U2AF1L4: variants seen among roughly 807,000 people sequenced by gnomAD.
The protein encoded by U2AF1L4 is splicing factor U2AF 26 kDa subunit.
In U2AF1L4, 21 loss-of-function variants were observed where a neutral mutation model predicts 21.7. The observed-to-expected ratio is 0.97, with a 90% CI of 0.69 to 1.39. U2AF1L4 has a LOEUF of 1.39. Ranked by LOEUF, U2AF1L4 falls within the 40% of genes most tolerant of loss-of-function variation. U2AF1L4 has a pLI of 0.00. For synonymous variants in U2AF1L4, 92 were observed against 89.7 expected (o/e 1.03, Z -0.15); for missense variants, 259 against 245.7 (o/e 1.05, Z -0.36).
chr19:35,742,479 C>T (rs569148059), downstream of U2AF1L4: 119 of 1,558,976 alleles, frequency 7.6e-5, 1 homozygote, highest in South Asian at 1.2e-3. Context: ...TTCCCCTTTT[C>T]GTCACATGTG....
chr19:35,743,988 C>T, intron 4 of U2AF1L4, 24 bp downstream of exon 4: 5 of 1,611,052 alleles, frequency 3.1e-6, no homozygotes, highest in Non-Finnish European at 4.2e-6. Flanking sequence ...TCCAAGTGCC[C>T]ATCCCACCCT....
chr19:35,744,247 C>A, intron 3 of U2AF1L4, 76 bp downstream of exon 3: 1 of 1,606,740 alleles, frequency 6.2e-7, no homozygotes. Context: ...GAAATTCAAG[C>A]TGAGAGCCTA....
At chr19:35,743,686 C>CA (rs36076889) in intron 5 of U2AF1L4, 123 bp downstream of exon 5, 54,926 of 479,452 alleles carry the variant, frequency 0.11, 831 homozygotes, top group Admixed American at 0.14. Context: ...GGCTCCATCT[C>CA]AAAAAAAAAA....
In U2AF1L4 at chr19:35,744,359, G is replaced by C. The variant is rs139575676; in HGVS notation, c.195C>G (p.Asn65Lys). The change falls in exon 3 of 6, where the codon AAC becomes AAG. Residue 65 changes from asparagine (N) to lysine (K), a missense_variant. Physicochemically the swap from Asn to Lys is moderately conservative, Grantham distance 94 (BLOSUM62 0). Coordinates refer to ENST00000378975, the MANE Select transcript of U2AF1L4 (RefSeq NM_001040425.3). ...CGTTGCCCACGAGGTGGTCCCCAAG[G>C]TTGTCGCACACATTCATCTCTTCAA... Reference protein sequence around the residue: ...GEIEEMNVCDNLGDHLVGNVY... With the variant: ...GEIEEMNVCDKLGDHLVGNVY... 658 of 1,614,146 alleles carry C rather than the reference G, an allele frequency of 4.1e-4. 7 individuals carry two copies. The African/African-American group carries it at 8.0e-3, about 20-fold the overall frequency.
chr19:35,744,540 C>G, intron 2 of U2AF1L4, 119 bp from the exon 3 acceptor site: 1 of 1,591,648 alleles, frequency 6.3e-7, no homozygotes, highest in Non-Finnish European at 8.5e-7. Flanking sequence ...ACTCACATGA[C>G]CTGGGGTGGG....
chr19:35,742,986 G>A (rs1168868321), intron 5 of U2AF1L4, 183 bp from the exon 6 acceptor site: 7 of 653,966 alleles, frequency 1.1e-5, no homozygotes, highest in Non-Finnish European at 1.9e-5. Context: ...GGCAATCCAG[G>A]CTGGTCGTGG....
chr19:35,745,247 G>C (rs368830447), intron 1 of U2AF1L4, 35 bp from the exon 2 acceptor site: 2 of 1,608,688 alleles, frequency 1.2e-6, no homozygotes, highest in African/African-American at 2.7e-5. Flanking sequence ...TGAACCGAGG[G>C]CCGGGGAAGC....
At chr19:35,743,980 C>T (rs1970422527) in intron 4 of U2AF1L4, 32 bp downstream of exon 4, 1 of 1,610,262 alleles carries the variant, frequency 6.2e-7, no homozygotes, top group Non-Finnish European at 8.5e-7. Context: ...TCTGGGATTC[C>T]AAGTGCCCAT....
At position 35,742,749 on chromosome 19, in the gene U2AF1L4, AC is replaced by A. The variant is rs748652138; in HGVS notation, c.515del (p.Cys172PhefsTer51). On this transcript the variant is annotated frameshift_variant, in exon 6 of 6. Transcript: ENST00000378975. LOFTEE classifies it high-confidence loss of function. ...GHHPRERNHR[C>X]SPDHWHGRF is the part of the protein sequence containing the mutation. ...AGCGGCCATGCCAGTGATCAGGGGAACACCGATGGTTCCTCTCTCGGGGATG... is the reference window on the plus strand; with the variant it reads ...AGCGGCCATGCCAGTGATCAGGGGAAACCGATGGTTCCTCTCTCGGGGATG... The A allele has an allele frequency of 3.1e-6, 5 of 1,610,584 alleles. No homozygotes were observed. The East Asian group carries it at 1.1e-4, about 36-fold the overall frequency.
Position 35,742,562 on chromosome 19 carries a change from CAG to C in U2AF1L4, c.*155_*156del, listed in dbSNP as rs779258927. On this transcript the variant is annotated 3_prime_UTR_variant, in exon 6 of 6. Coordinates refer to ENST00000378975, the MANE Select transcript of U2AF1L4 (RefSeq NM_001040425.3). ...AGTGAAACACGCAGCTTTATTAAGA[CAG>C]GGGCGGTAGAAGAAGGTCTCCATGC... The C allele has an allele frequency of 3.1e-6, 5 of 1,613,556 alleles. No individual in the cohort carries two copies. The highest frequency in any genetic ancestry group is 1.7e-5 in the Admixed American group (1 of 59,966).
intron 2 of U2AF1L4, chr19:35,744,837 C>G: frequency 1.0e-6 from 1 of 985,754 alleles, no homozygotes; most frequent in East Asian, 2.6e-5. Flanking sequence ...CCCTAAGAAA[C>G]CAGAAAAGGG....
chr19:35,744,752 G>T (rs757286224), intron 2 of U2AF1L4: 1 of 1,531,318 alleles, frequency 6.5e-7, no homozygotes, highest in South Asian at 1.2e-5. Context: ...CATGAACAGA[G>T]AGTGAGGCAT....
intron 2 of U2AF1L4, 174 bp downstream of exon 2, chr19:35,744,951 G>C: frequency 1.3e-6 from 1 of 761,628 alleles, no homozygotes; most frequent in East Asian, 2.7e-5. Context: ...CAAGTTCCCG[G>C]GAAAACGGCA....
At position 35,744,155 on chromosome 19, in the gene U2AF1L4, A is replaced by C; in HGVS notation, c.232-10T>G. Reference sequence around the variant, plus strand: ...CCTCCTCCCTCCGGAACTGCAGGAAATGTCAGTCAGGGTCAGCAGGAGAAC... The same window carrying C: ...CCTCCTCCCTCCGGAACTGCAGGAACTGTCAGTCAGGGTCAGCAGGAGAAC... On this transcript the variant is annotated splice_polypyrimidine_tract_variant and intron_variant, in intron 3 of 5. Coordinates refer to ENST00000378975, the MANE Select transcript of U2AF1L4 (RefSeq NM_001040425.3). 6.2e-7 allele frequency: 1 copy of C among 1,613,292 alleles called. No homozygotes were observed. The highest frequency in any genetic ancestry group is 8.5e-7 in the Non-Finnish European group (1 of 1,179,592).
At chr19:35,744,768 T>C (rs907883893) in intron 2 of U2AF1L4, 4 of 1,510,492 alleles carry the variant, frequency 2.6e-6, no homozygotes, top group East Asian at 2.5e-5. Context: ...GGCATGAAGG[T>C]TGGGGGTGGA....
chr19:35,745,213 C>A lies in U2AF1L4; in HGVS notation c.45-1G>T. On this transcript the variant is annotated splice_acceptor_variant, in intron 1 of 5. Coordinates refer to ENST00000378975, the MANE Select transcript of U2AF1L4 (RefSeq NM_001040425.3). LOFTEE classifies it high-confidence loss of function. ...CTTAAAGTAAAAAGAGCAGTTAACC[C>A]TGGAAAAGGTGCAAAGACAAAGGTG... 1 of 1,613,656 alleles carries A rather than the reference C, an allele frequency of 6.2e-7. No individual in the cohort carries two copies. Among genetic ancestry groups the A allele is most frequent in the African/African-American group, 1.3e-5 (1 of 75,054 alleles).
chr19:35,744,742 C>T, intron 2 of U2AF1L4: 1 of 1,534,776 alleles, frequency 6.5e-7, no homozygotes, highest in Non-Finnish European at 8.7e-7. Flanking sequence ...GGCAGGGCTG[C>T]ATGAACAGAG....
intron 5 of U2AF1L4, 122 bp downstream of exon 5, chr19:35,743,686 CA>C (rs36076889): frequency 0.21 from 102,372 of 484,094 alleles, 329 homozygotes; most frequent in East Asian, 0.24. Context: ...GGCTCCATCT[CA>C]AAAAAAAAAA....
Position 35,743,373 on chromosome 19 carries a change from C to CAAA in U2AF1L4, c.461+433_461+435dup, listed in dbSNP as rs536755635. The CAAA allele has an allele frequency of 1.2e-3, 97 of 78,272 alleles. 4 individuals carry two copies. Among genetic ancestry groups the CAAA allele is most frequent in the Non-Finnish European group, 1.9e-3 (75 of 40,440 alleles). 4.8% of individuals were successfully genotyped at this position (78,272 alleles called of 1,614,324 possible). On this transcript the variant is annotated intron_variant, in intron 5 of 5. Coordinates refer to ENST00000378975, the MANE Select transcript of U2AF1L4 (RefSeq NM_001040425.3). ...GCGGAAGAAGAGCAAAACTCCGTCT[C>CAAA]AAAAAAAAAAAAAAAAAAAAAAAAA... is the stretch of plus-strand genomic sequence containing the variant.
Sources: gnomAD v4.1 joint callset for allele counts on GRCh38, gnomAD v4.1.1 for gene constraint, MANE v1.5 for transcripts, NCBI Gene and HGNC (gene_info 2026-07-23, HGNC 2026-07-21) for gene names.